GSE1: variants seen among roughly 807,000 people sequenced by gnomAD.
GSE1 encodes the protein genetic suppressor element 1.
A neutral mutation model predicts 112.6 loss-of-function variants in GSE1; 32 were observed. That is an observed-to-expected ratio of 0.28 (90% CI 0.21 to 0.38). The LOEUF (loss-of-function observed/expected upper bound fraction) is 0.38, where lower values mean the gene tolerates loss of function less well. Ranked by LOEUF, GSE1 falls within the 10% of genes least tolerant of loss-of-function variation. GSE1 has a pLI of 1.00. For missense variants in GSE1, 2,348 were observed against 1,699.2 expected, an observed-to-expected ratio of 1.38 and a Z score of -6.71; for synonymous variants, 1,115 against 735.6, an observed-to-expected ratio of 1.52 and a Z score of -8.35.
intron 12 of GSE1, 51 bp from the exon 13 acceptor site, chr16:85,665,925 A>G (rs1567759179): frequency 1.3e-6 from 2 of 1,583,638 alleles, no homozygotes; most frequent in Middle Eastern, 1.7e-4. Context: ...CTGGACACTC[A>G]GCCTGTTAAC....
chr16:85,548,990 A>C (rs879513442), intron 2 of GSE1, among the ~76,000 whole-genome samples: 45 of 151,990 alleles, frequency 3.0e-4, no homozygotes, highest in Admixed American at 2.6e-3. Flanking sequence ...GGGTTTCACC[A>C]TTTGGCCAGG....
exon 1 of GSE1, chr16:85,170,081 A>G: frequency 2.0e-6 from 2 of 984,454 alleles, no homozygotes; most frequent in Non-Finnish European, 2.4e-6. Flanking sequence ...TCCGAGCCCG[A>G]CCCGCCCGCG....
intron 2 of GSE1, among the ~76,000 whole-genome samples, chr16:85,501,284 G>A (rs994650074): frequency 6.6e-6 from 1 of 151,946 alleles, no homozygotes; most frequent in Non-Finnish European, 1.5e-5. Context: ...TTACAGGCGT[G>A]AGCCACCGCA....
At chr16:85,620,542 A>G (rs2048663455) in intron 1 of GSE1, among the ~76,000 whole-genome samples, 3 of 152,262 alleles carry the variant, frequency 2.0e-5, no homozygotes, top group African/African-American at 7.2e-5. Flanking sequence ...GGAGCATTGG[A>G]GAGACTTCCG....
chr16:85,511,799 C>G (rs149049497), intron 2 of GSE1, among the ~76,000 whole-genome samples: 259 of 152,246 alleles, frequency 1.7e-3, no homozygotes, highest in Non-Finnish European at 2.9e-3. Flanking sequence ...CTGGAAGAGG[C>G]AGGAAGGAGC....
intron 1 of GSE1, among the ~76,000 whole-genome samples, chr16:85,581,575 C>G (rs770113135): frequency 8.5e-5 from 13 of 152,274 alleles, no homozygotes; most frequent in Non-Finnish European, 1.6e-4. Context: ...CTGGTCCTAC[C>G]GCTCTCCTCT....
chr16:85,246,285 GTCTA>G (rs1905703744), intron 1 of GSE1, among the ~76,000 whole-genome samples: 1 of 73,148 alleles, frequency 1.4e-5, no homozygotes, highest in African/African-American at 5.6e-5. Flanking sequence ...CCCACACGCT[GTCTA>G]CACACACCCC....
Position 85,434,333 on chromosome 16 carries a change from A to C in GSE1, c.2464+76690A>C, listed in dbSNP as rs375682943. Among the ~76,000 whole-genome samples the C allele has an allele frequency of 2.9e-3, 324 of 110,116 alleles. 2 individuals carry two copies. The East Asian group carries it at 0.056, about 19-fold the overall frequency. 72.2% of individuals were successfully genotyped at this position (110,116 alleles called of 152,430 possible). A position where few individuals can be genotyped will look rare whatever the true frequency, so the allele number is the denominator to read the frequency against. The stretch of plus-strand genomic sequence containing the variant: ...TAATAATAATAATAATAATAATAAT[A>C]ATAATAATAATAATCAGTGCCGTCC... On this transcript the variant is annotated intron_variant, in intron 2 of 2. Coordinates refer to the GSE1 transcript ENST00000637419.
chr16:85,437,372 C>G (rs1247607888), intron 2 of GSE1, among the ~76,000 whole-genome samples: 1 of 152,148 alleles, frequency 6.6e-6, no homozygotes, highest in Admixed American at 6.5e-5. Context: ...TTTCCCTCTT[C>G]TCATTTTTAT....
intron 2 of GSE1, among the ~76,000 whole-genome samples, chr16:85,366,919 G>A (rs1311249093): frequency 6.6e-6 from 1 of 152,250 alleles, no homozygotes; most frequent in Non-Finnish European, 1.5e-5. Context: ...GATTGGCTGA[G>A]TAGCAGGAGT....
chr16:85,191,393 G>T (rs527728632), intron 1 of GSE1, among the ~76,000 whole-genome samples: 1 of 152,046 alleles, frequency 6.6e-6, no homozygotes, highest in Non-Finnish European at 1.5e-5. Flanking sequence ...AACCATCACC[G>T]CTGTCTAATC....
chr16:85,224,271 C>G (rs1198515775), intron 1 of GSE1, among the ~76,000 whole-genome samples: 2 of 119,014 alleles, frequency 1.7e-5, no homozygotes, highest in African/African-American at 6.6e-5. Context: ...GTTTCATAAC[C>G]CTTATGAAAC....
rs200248682 is a variant in GSE1, at chr16:85,661,123, G to A, written c.1641-23G>A. ...ACTGAAGGGTCTTTTCTCCCTGACT[G>A]AAGGGTTGGTTTCACTCCCTAGGCC... On this transcript the variant is annotated intron_variant, in intron 8 of 15. Transcript: ENST00000253458. 3.2e-6 allele frequency: 5 copies of A among 1,542,004 alleles called. No homozygotes were observed. In the East Asian group the frequency reaches 1.1e-4, roughly 35 times the overall value.
At chr16:85,537,655 G>A (rs2044376931) in intron 2 of GSE1, among the ~76,000 whole-genome samples, 1 of 152,254 alleles carries the variant, frequency 6.6e-6, no homozygotes, top group Admixed American at 6.5e-5. Flanking sequence ...CGCCTGGTTG[G>A]CTTCGTACCT....
chr16:85,637,301 C>T (rs920731132), intron 2 of GSE1, among the ~76,000 whole-genome samples: 4 of 152,206 alleles, frequency 2.6e-5, no homozygotes, highest in Non-Finnish European at 5.9e-5. Context: ...ATCTCCTGGT[C>T]CTTGTGGGCC....
intron 2 of GSE1, among the ~76,000 whole-genome samples, chr16:85,454,848 C>T (rs1288236902): frequency 3.3e-5 from 5 of 152,180 alleles, no homozygotes; most frequent in Non-Finnish European, 7.4e-5. Flanking sequence ...GTTTAGGGCC[C>T]ACCCTAATCT....
chr16:85,514,153 TC>T (rs532762086), intron 2 of GSE1, among the ~76,000 whole-genome samples: 33 of 151,656 alleles, frequency 2.2e-4, no homozygotes, highest in African/African-American at 8.0e-4. Context: ...CCAGCCCTCT[TC>T]CCCTGCTCTC....
intron 2 of GSE1, among the ~76,000 whole-genome samples, chr16:85,386,597 C>T (rs117506490): frequency 2.1e-3 from 326 of 152,276 alleles, no homozygotes; most frequent in Middle Eastern, 0.014. Context: ...CCAGCTGTGT[C>T]GGCTGTGTGG....
At chr16:85,234,870 G>A (rs1257927712) in intron 1 of GSE1, among the ~76,000 whole-genome samples, 1 of 152,140 alleles carries the variant, frequency 6.6e-6, no homozygotes, top group African/African-American at 2.4e-5. Flanking sequence ...GAAGGCATCT[G>A]GCTCAGTTTA....
Sources: allele counts gnomAD v4.1 joint callset (sites outside exome capture counted in the v4.1 genomes callset), GRCh38; gene constraint gnomAD v4.1.1; transcripts MANE v1.5; gene names NCBI Gene and HGNC (gene_info 2026-07-23, HGNC 2026-07-21).